Variants in ZNF92 observed in about 807,000 individuals in gnomAD.
ZNF92 encodes the protein epididymis luminal protein 203.
A neutral mutation model predicts 12.4 loss-of-function variants in ZNF92; 11 were observed. The observed-to-expected ratio is 0.89, with a 90% CI of 0.56 to 1.47. The LOEUF is 1.47. ZNF92 is among the 40% of genes most tolerant of loss of function. The probability of loss-of-function intolerance (pLI) is 0.00; values close to 1 mark genes in which losing one functional copy is unlikely to be tolerated. For missense variants in ZNF92, 622 were observed against 681.0 expected (o/e 0.91, Z 0.96); for synonymous variants, 206 against 228.6 (o/e 0.90, Z 0.89).
intron 1 of ZNF92, among the ~76,000 whole-genome samples, chr7:65,383,967 A>G (rs916485208): frequency 2.6e-5 from 4 of 152,112 alleles, no homozygotes; most frequent in Non-Finnish European, 4.4e-5. Context: ...GTCTCAGTGT[A>G]AGAGAAATGA....
intron 3 of ZNF92, among the ~76,000 whole-genome samples, chr7:65,395,897 G>A (rs1169743330): frequency 4.0e-5 from 6 of 151,556 alleles, no homozygotes; most frequent in Non-Finnish European, 7.4e-5. Context: ...CTTTTAGGCA[G>A]TATATTGTAT....
At chr7:65,378,316 A>G (rs1305337243) in intron 1 of ZNF92, among the ~76,000 whole-genome samples, 1 of 149,800 alleles carries the variant, frequency 6.7e-6, no homozygotes, top group Non-Finnish European at 1.5e-5. Context: ...ATCAGATTTT[A>G]GATGAGAGAA....
At chr7:65,374,756 G>A (rs1421599450) in intron 1 of ZNF92, among the ~76,000 whole-genome samples, 1 of 151,700 alleles carries the variant, frequency 6.6e-6, no homozygotes, top group East Asian at 1.9e-4. Context: ...AGGGACTAGA[G>A]CCACCTCAAT....
chr7:65,389,501 A>T (rs1418801492), intron 3 of ZNF92, among the ~76,000 whole-genome samples: 1 of 151,934 alleles, frequency 6.6e-6, no homozygotes, highest in Non-Finnish European at 1.5e-5. Flanking sequence ...TAATTTTGAG[A>T]AACTCTGTTA....
intron 3 of ZNF92, among the ~76,000 whole-genome samples, chr7:65,390,281 T>G (rs1375618510): frequency 6.6e-6 from 1 of 152,150 alleles, no homozygotes; most frequent in Non-Finnish European, 1.5e-5. Flanking sequence ...GCTTTTTAAA[T>G]TTTTTAAATT....
At chr7:65,382,426 C>T (rs1380803851) in intron 1 of ZNF92, among the ~76,000 whole-genome samples, 1 of 151,948 alleles carries the variant, frequency 6.6e-6, no homozygotes, top group Non-Finnish European at 1.5e-5. Flanking sequence ...CTAGATGGGC[C>T]TTTTTGTCTC....
intron 1 of ZNF92, among the ~76,000 whole-genome samples, chr7:65,379,432 G>T (rs573859785): frequency 2.0e-5 from 3 of 152,032 alleles, no homozygotes; most frequent in African/African-American, 2.4e-5. Flanking sequence ...CACACTGCCC[G>T]TTGTCCTAGG....
rs1489582094 is a variant in ZNF92 at position 65,400,572 on chromosome 7, C to G, written c.*697C>G. On this transcript the variant is annotated 3_prime_UTR_variant, in exon 4 of 4. Transcript: ENST00000328747. ...AGGCATAAGGCACTGATACTTCAGA[C>G]ATTACACTAAATTAGAGTGTTGAGT... 6.6e-6 allele frequency: 1 copy of G among 151,872 alleles called. No homozygotes were observed. 9.4% of individuals were successfully genotyped at this position (151,872 alleles called of 1,614,324 possible). A position where few individuals can be genotyped will look rare whatever the true frequency, so the allele number is the denominator to read the frequency against.
In ZNF92 at chr7:65,400,682, T is replaced by C. The variant is rs1793990835; in HGVS notation, c.*807T>C. ...TAGAAGATTTTTTGGAGATTTATAA[T>C]TACATTCAAAGTATACTTTTTTCTT... On this transcript the variant is annotated 3_prime_UTR_variant, in exon 4 of 4. Coordinates refer to ENST00000328747, the MANE Select transcript of ZNF92 (RefSeq NM_152626.4). 2 of 151,996 alleles carry C rather than the reference T, an allele frequency of 1.3e-5. No individual in the cohort carries two copies. The highest frequency in any genetic ancestry group is 6.6e-5 in the Admixed American group (1 of 15,258). The allele number at this position is 151,996 out of a possible 1,614,324, so 9.4% of individuals were successfully genotyped here.
Position 65,398,504 on chromosome 7 carries a change from T to C in ZNF92, c.390T>C (p.Tyr130=), listed in dbSNP as rs144176625. ...CATGTAAGGTGTACAAAGGAGGTTA[T>C]AATGGACTTAACCAGTGTTTGACAA... is the stretch of plus-strand genomic sequence containing the variant. ...VDACKVYKGG[Y]NGLNQCLTTT... is the part of the protein sequence containing the mutation. The change falls in exon 4 of 4, where the codon TAT becomes TAC. Residue 130 remains tyrosine, a synonymous_variant. Coordinates refer to ENST00000328747, the MANE Select transcript of ZNF92 (RefSeq NM_152626.4). 1.2e-5 allele frequency: 19 copies of C among 1,612,698 alleles called. 1 individual carries two copies. The highest frequency in any genetic ancestry group is 1.5e-5 in the Non-Finnish European group (18 of 1,179,576).
At chr7:65,390,316 A>G (rs780277056) in intron 3 of ZNF92, among the ~76,000 whole-genome samples, 5 of 152,114 alleles carry the variant, frequency 3.3e-5, no homozygotes, top group East Asian at 1.9e-4. Context: ...TTCCAGTGCT[A>G]TGTTAAAATG....
intron 3 of ZNF92, among the ~76,000 whole-genome samples, chr7:65,393,976 A>G (rs1409949139): frequency 6.6e-6 from 1 of 152,096 alleles, no homozygotes; most frequent in African/African-American, 2.4e-5. Context: ...TATATTCTGA[A>G]TATTAGCTCC....
At chr7:65,395,075 T>C (rs1793812427) in intron 3 of ZNF92, among the ~76,000 whole-genome samples, 1 of 152,078 alleles carries the variant, frequency 6.6e-6, no homozygotes. Context: ...TGGTCTTAAG[T>C]TTATTTATTG....
intron 3 of ZNF92, among the ~76,000 whole-genome samples, chr7:65,392,069 T>C (rs1212140831): frequency 1.3e-5 from 2 of 152,150 alleles, no homozygotes; most frequent in Non-Finnish European, 2.9e-5. Context: ...CACTTCTGTT[T>C]GTACACTTTA....
intron 3 of ZNF92, among the ~76,000 whole-genome samples, chr7:65,389,812 G>A (rs1207476209): frequency 6.6e-6 from 1 of 151,732 alleles, no homozygotes; most frequent in Non-Finnish European, 1.5e-5. Context: ...ACTGTGCCTA[G>A]CCCAGAAATT....
chr7:65,380,300 G>A (rs566533372), intron 1 of ZNF92, among the ~76,000 whole-genome samples: 5 of 151,758 alleles, frequency 3.3e-5, no homozygotes, highest in South Asian at 2.1e-4. Context: ...TCACTCTGTC[G>A]CCCAGGCTGG....
intron 3 of ZNF92, among the ~76,000 whole-genome samples, chr7:65,392,064 CTGTT>C (rs1256442484): frequency 6.6e-6 from 1 of 152,020 alleles, no homozygotes; most frequent in Non-Finnish European, 1.5e-5. Context: ...ATTTGCACTT[CTGTT>C]TGTACACTTT....
chr7:65,394,175 G>T (rs3846971), intron 3 of ZNF92, among the ~76,000 whole-genome samples: 42,259 of 151,704 alleles, frequency 0.28, 7,715 homozygotes, highest in African/African-American at 0.49. Context: ...CCTCTATATT[G>T]TTCCTAAGAG....
At chr7:65,379,665 A>G (rs1212800473) in intron 1 of ZNF92, among the ~76,000 whole-genome samples, 2 of 152,088 alleles carry the variant, frequency 1.3e-5, no homozygotes, top group East Asian at 1.9e-4. Flanking sequence ...AAAATTGTCT[A>G]CAAGTCTCCT....
Sources: allele counts gnomAD v4.1 joint callset (sites outside exome capture counted in the v4.1 genomes callset), GRCh38; gene constraint gnomAD v4.1.1; transcripts MANE v1.5; gene names NCBI Gene and HGNC (gene_info 2026-07-23, HGNC 2026-07-21).